Variants in LAMA3 observed in about 807,000 individuals in gnomAD.
The protein encoded by LAMA3 is laminin subunit alpha-3.
In LAMA3, 281 loss-of-function variants were observed where a neutral mutation model predicts 402.0. That is an observed-to-expected ratio of 0.70 (90% CI 0.63 to 0.77). The LOEUF (loss-of-function observed/expected upper bound fraction) is 0.77. Ranked by LOEUF, LAMA3 falls within the 30% of genes least tolerant of loss-of-function variation. The probability of loss-of-function intolerance (pLI) is 0.00; values close to 1 mark genes in which losing one functional copy is unlikely to be tolerated. For synonymous variants in LAMA3, 1,431 were observed against 1,558.4 expected (o/e 0.92, Z 1.93); for missense variants, 3,840 against 4,215.5 (o/e 0.91, Z 2.47).
chr18:23,781,230 A>G (rs1290784607), intron 11 of LAMA3: 2 of 445,160 alleles, frequency 4.5e-6, no homozygotes, highest in African/African-American at 4.0e-5. Context: ...TTTCCCTGTG[A>G]CATTCGTTCT....
intron 7 of LAMA3, among the ~76,000 whole-genome samples, chr18:23,759,419 A>G (rs764736635): frequency 1.5e-4 from 23 of 152,228 alleles, no homozygotes; most frequent in Non-Finnish European, 2.9e-4. Flanking sequence ...TTCTAAATAA[A>G]TCTCCTTGTG....
intron 12 of LAMA3, among the ~76,000 whole-genome samples, chr18:23,801,440 C>G (rs2062864764): frequency 6.6e-6 from 1 of 152,004 alleles, no homozygotes; most frequent in African/African-American, 2.4e-5. Context: ...ACACATGTAC[C>G]CTCTGAACCT....
intron 12 of LAMA3, among the ~76,000 whole-genome samples, chr18:23,807,816 T>C (rs2062992458): frequency 6.6e-6 from 1 of 152,232 alleles, no homozygotes; most frequent in African/African-American, 2.4e-5. Context: ...CCATCTAGAC[T>C]AGTGTTTGAC....
intron 32 of LAMA3, among the ~76,000 whole-genome samples, chr18:23,853,501 G>A (rs1189273482): frequency 6.6e-6 from 1 of 152,082 alleles, no homozygotes; most frequent in African/African-American, 2.4e-5. Flanking sequence ...TCGAACTCCC[G>A]ACCTCAGGTG....
chr18:23,870,062 TG>T (rs1646601886), intron 37 of LAMA3, among the ~76,000 whole-genome samples: 1 of 152,082 alleles, frequency 6.6e-6, no homozygotes, highest in Admixed American at 6.5e-5. Flanking sequence ...TGCAGCACTC[TG>T]GGAGGCTGAG....
intron 34 of LAMA3, 137 bp downstream of exon 34, chr18:23,858,966 C>T (rs2144722465): frequency 2.2e-6 from 2 of 893,836 alleles, no homozygotes; most frequent in East Asian, 2.4e-5. Context: ...TGCTCGAATG[C>T]CATGTGTTCA....
intron 52 of LAMA3, 112 bp downstream of exon 52, chr18:23,905,736 C>T: frequency 1.6e-6 from 1 of 621,192 alleles, no homozygotes; most frequent in Non-Finnish European, 2.9e-6. Context: ...AGTGTCAATG[C>T]AGATGATACC....
intron 23 of LAMA3, among the ~76,000 whole-genome samples, chr18:23,832,860 A>G (rs2063513478): frequency 6.6e-6 from 1 of 152,232 alleles, no homozygotes; most frequent in Non-Finnish European, 1.5e-5. Context: ...TTGAGTAAAA[A>G]AAGCAAGTCA....
chr18:23,891,564 A>G (rs867468773), intron 42 of LAMA3, among the ~76,000 whole-genome samples: 2 of 152,190 alleles, frequency 1.3e-5, no homozygotes, highest in Admixed American at 6.5e-5. Flanking sequence ...CTCCCATGAC[A>G]TTAAGAATTC....
At chr18:23,938,406 A>G (rs548242578) in intron 67 of LAMA3, among the ~76,000 whole-genome samples, 1 of 152,308 alleles carries the variant, frequency 6.6e-6, no homozygotes, top group East Asian at 1.9e-4. Context: ...AGTTACTTCC[A>G]ACAATTTTCC....
At chr18:23,747,157 G>A (rs970008762) in intron 2 of LAMA3, among the ~76,000 whole-genome samples, 1 of 152,064 alleles carries the variant, frequency 6.6e-6, no homozygotes, top group Non-Finnish European at 1.5e-5. Context: ...GCTTAACACC[G>A]TGTTCAATGT....
At chr18:23,905,722 T>A (rs1333930225) in intron 52 of LAMA3, 98 bp downstream of exon 52, 2 of 704,088 alleles carry the variant, frequency 2.8e-6, no homozygotes, top group Non-Finnish European at 5.2e-6. Flanking sequence ...TGTTTTTGAA[T>A]CTCAGTGTCA....
At chr18:23,746,106 T>C (rs1239380197) in intron 2 of LAMA3, among the ~76,000 whole-genome samples, 1 of 152,214 alleles carries the variant, frequency 6.6e-6, no homozygotes, top group Non-Finnish European at 1.5e-5. Flanking sequence ...TTATAATTCC[T>C]AATTAGTTTT....
rs2062727227 is a variant in LAMA3, at chr18:23,794,635, C to CA, written c.1603+10481dup. ...GTTCTCTTACCTAAGAGTGTGCTGA[C>CA]AAACCCTGCAACTCCTAGAGTTTTC... is the stretch of plus-strand genomic sequence containing the variant. On this transcript the variant is annotated intron_variant, in intron 12 of 74. Transcript: ENST00000313654. 2.0e-5 allele frequency among the ~76,000 whole-genome samples: 3 copies of CA among 152,278 alleles called. No individual in the cohort carries two copies. In the South Asian group the frequency reaches 6.2e-4, roughly 32 times the overall value.
In LAMA3 at chr18:23,894,332, T is replaced by C; in HGVS notation, c.5445T>C (p.Pro1815=). Residue 1815 remains proline (P), a synonymous_variant, in exon 43 of 75, where the codon CCT becomes CCC. Transcript: ENST00000313654. The part of the protein sequence containing the change: ...CINQEPKDSS[P]AEECDDCDSC... ...ACCAAGAACCCAAAGATAGCAGCCCTGCAGAAGAATGTGATGGTGAGAAAA... is the reference window on the plus strand; with the variant it reads ...ACCAAGAACCCAAAGATAGCAGCCCCGCAGAAGAATGTGATGGTGAGAAAA... The C allele has an allele frequency of 6.2e-7, 1 of 1,613,680 alleles. No individual in the cohort carries two copies. The highest frequency in any genetic ancestry group is 8.5e-7 in the Non-Finnish European group (1 of 1,179,564).
chr18:23,945,176 C>A (rs1299828832), intron 69 of LAMA3, among the ~76,000 whole-genome samples: 1 of 152,134 alleles, frequency 6.6e-6, no homozygotes, highest in Non-Finnish European at 1.5e-5. Context: ...TGTACAGATT[C>A]ATATATTATT....
At chr18:23,714,151 T>C in intron 2 of LAMA3, 79 bp downstream of exon 2, 1 of 1,321,168 alleles carries the variant, frequency 7.6e-7, no homozygotes. Flanking sequence ...TAATAATTAT[T>C]GTAAAAAAAA....
chr18:23,756,923 G>GCCCCCGCCCCCCACTCCCTT (rs1251375033), intron 6 of LAMA3, among the ~76,000 whole-genome samples: 6 of 91,446 alleles, frequency 6.6e-5, no homozygotes, highest in African/African-American at 2.2e-4. Context: ...CCCGTTCCCT[G>GCCCCCGCCCCCCACTCCCTT]CCCCCGCCCC....
chr18:23,946,652 C>A, intron 70 of LAMA3: 1 of 217,538 alleles, frequency 4.6e-6, no homozygotes, highest in Non-Finnish European at 9.3e-6. Flanking sequence ...GTGCCATTTT[C>A]ACCATCTTTG....
Sources: allele counts gnomAD v4.1 joint callset (sites outside exome capture counted in the v4.1 genomes callset), GRCh38; gene constraint gnomAD v4.1.1; transcripts MANE v1.5; gene names NCBI Gene and HGNC (gene_info 2026-07-23, HGNC 2026-07-21).